The following TPT1 variants were observed in gnomAD, a reference collection of about 807,000 sequenced individuals.
The protein encoded by TPT1 is tumor protein, translationally-controlled 1.
In TPT1, 5 loss-of-function variants were observed where a neutral mutation model predicts 22.8. The observed-to-expected ratio is 0.22, with a 90% CI of 0.11 to 0.46. The LOEUF (loss-of-function observed/expected upper bound fraction) is 0.46. Among genes scored for constraint, TPT1 ranks in the 20% least tolerant of loss-of-function variants. TPT1 has a pLI of 0.99. For synonymous variants in TPT1, 89 were observed against 73.6 expected, an observed-to-expected ratio of 1.21 and a Z score of -1.07; for missense variants, 130 against 218.7, an observed-to-expected ratio of 0.59 and a Z score of 2.56.
intron 4 of TPT1, 135 bp downstream of exon 4, chr13:45,339,362 G>C (rs1352384336): frequency 3.2e-6 from 2 of 630,470 alleles, no homozygotes; most frequent in Non-Finnish European, 5.0e-6. Context: ...GACAAGATTT[G>C]GAAACACCTG....
In TPT1 at chr13:45,333,812, C is replaced by T. The variant is rs1490438280; in HGVS notation, c.*3574G>A. The T allele has an allele frequency of 6.6e-6, 1 of 152,166 alleles. No individual in the cohort carries two copies. The highest frequency in any genetic ancestry group is 2.4e-5 in the African/African-American group (1 of 41,426). 9.4% of individuals were successfully genotyped at this position (152,166 alleles called of 1,614,324 possible). ...GGTAGTCAAGTTTACCACTATCAGG[C>T]CTCATATTACTTAAGTACTTTGCAA... is the stretch of plus-strand genomic sequence containing the variant. On this transcript the variant is annotated 3_prime_UTR_variant, in exon 6 of 6. Transcript: ENST00000530705.
rs2234215 is a variant in TPT1, at chr13:45,340,986, C to T, written c.28+56G>A. 2.8e-3 allele frequency: 4,396 copies of T among 1,583,132 alleles called. 79 individuals are homozygous for T. In the African/African-American group the frequency reaches 0.047, roughly 17 times the overall value. On this transcript the variant is annotated intron_variant, in intron 1 of 5. Coordinates refer to ENST00000530705, the MANE Select transcript of TPT1 (RefSeq NM_003295.4). ...GCGACGGCTGCGCCTTCCCCGCCCC[C>T]ACCCGCACCCCAGACCCCCGTGTGC...
Position 45,334,657 on chromosome 13 carries a change from T to G in TPT1, c.*2729A>C, listed in dbSNP as rs528753127. On this transcript the variant is annotated 3_prime_UTR_variant, in exon 6 of 6. Coordinates refer to ENST00000530705, the MANE Select transcript of TPT1 (RefSeq NM_003295.4). ...TCTACTACCCTAGACTAAGCCACTA[T>G]CTTTGCCTTAAAAACACATTATACA... The G allele has an allele frequency of 1.3e-5, 2 of 152,368 alleles. No homozygotes were observed. The highest frequency in any genetic ancestry group is 4.1e-4 in the South Asian group (2 of 4,828). 9.4% of individuals were successfully genotyped at this position (152,368 alleles called of 1,614,324 possible).
rs1878504553 is a variant in TPT1, at chr13:45,333,623, G to C, written c.*3763C>G. On this transcript the variant is annotated 3_prime_UTR_variant, in exon 6 of 6. Coordinates refer to ENST00000530705, the MANE Select transcript of TPT1 (RefSeq NM_003295.4). ...CAACAAAAATCTAGTCATTTAACTA[G>C]ATTTTGAAACTCCTAATGATCCAAA... The C allele has an allele frequency of 6.6e-6, 1 of 152,184 alleles. No homozygotes were observed. The highest frequency in any genetic ancestry group is 2.4e-5 in the African/African-American group (1 of 41,442). 9.4% of individuals were successfully genotyped at this position (152,184 alleles called of 1,614,324 possible). A position where few individuals can be genotyped will look rare whatever the true frequency, so the allele number is the denominator to read the frequency against.
Position 45,341,165 on chromosome 13 carries a change from G to A in TPT1, c.-96C>T, listed in dbSNP as rs781129399. The A allele has an allele frequency of 1.1e-3, 1,658 of 1,548,416 alleles. No homozygotes were observed. Among genetic ancestry groups the A allele is most frequent in the Non-Finnish European group, 1.3e-3 (1,446 of 1,139,098 alleles). The stretch of plus-strand genomic sequence containing the variant: ...CAGCCGGAGCGGCGCTCGGGGGGAG[G>A]GGGGAGCGGGCGGAAAAGGCCGACT... On this transcript the variant is annotated 5_prime_UTR_variant, in exon 1 of 6. Coordinates refer to ENST00000530705, the MANE Select transcript of TPT1 (RefSeq NM_003295.4).
At position 45,337,319 on chromosome 13, in the gene TPT1, T is replaced by C. The variant is rs1878762974; in HGVS notation, c.*67A>G. 2 of 1,472,928 alleles carry C rather than the reference T, an allele frequency of 1.4e-6. No individual in the cohort carries two copies. The highest frequency in any genetic ancestry group is 1.9e-6 in the Non-Finnish European group (2 of 1,052,562). 91.2% of individuals were successfully genotyped at this position (1,472,928 alleles called of 1,614,324 possible). On this transcript the variant is annotated 3_prime_UTR_variant, in exon 6 of 6. Coordinates refer to ENST00000530705, the MANE Select transcript of TPT1 (RefSeq NM_003295.4). ...TCCCATTTGTCTTAAGTCCTGGTGT[T>C]GTGTGGATGACAAGCAGAAGCCAGT...
At chr13:45,340,437 G>GT (rs770644774) in intron 2 of TPT1, 47 of 739,682 alleles carry the variant, frequency 6.4e-5, no homozygotes, top group East Asian at 4.0e-4. Flanking sequence ...CCTCCGGTTG[G>GT]TAAGTGGGGA....
intron 4 of TPT1, chr13:45,339,122 G>A (rs1366509041): frequency 1.3e-5 from 4 of 302,422 alleles, no homozygotes; most frequent in Non-Finnish European, 2.4e-5. Context: ...CAGTCTGGAA[G>A]TATCTTATGG....
chr13:45,337,827 A>G (rs1232449424), intron 5 of TPT1, among the ~76,000 whole-genome samples: 1 of 152,204 alleles, frequency 6.6e-6, no homozygotes, highest in Non-Finnish European at 1.5e-5. Flanking sequence ...GCCTATGAAA[A>G]CTAGGATAAT....
intron 4 of TPT1, chr13:45,339,279 A>C (rs1323875744): frequency 4.5e-6 from 2 of 445,108 alleles, no homozygotes; most frequent in Admixed American, 4.0e-5. Context: ...CTGAAAGAAC[A>C]CTTAGGTGGT....
chr13:45,339,280 C>G (rs1393428983), intron 4 of TPT1: 1 of 447,446 alleles, frequency 2.2e-6, no homozygotes, highest in East Asian at 3.5e-5. Flanking sequence ...TGAAAGAACA[C>G]TTAGGTGGTT....
rs2138317084 is a variant in TPT1, at chr13:45,333,633, C to T, written c.*3753G>A. 1 of 152,314 alleles carries T rather than the reference C, an allele frequency of 6.6e-6. No homozygotes were observed. Among genetic ancestry groups the T allele is most frequent in the African/African-American group, 2.4e-5 (1 of 41,578 alleles). The allele number at this position is 152,314 out of a possible 1,614,324, so 9.4% of individuals were successfully genotyped here. On this transcript the variant is annotated 3_prime_UTR_variant, in exon 6 of 6. Transcript: ENST00000530705. ...CTAGTCATTTAACTAGATTTTGAAA[C>T]TCCTAATGATCCAAATGAGTAATTC...
In TPT1 at chr13:45,334,710, C is replaced by T. The variant is rs186789654; in HGVS notation, c.*2676G>A. ...ATTATTCTATGCTTTTACCCTGCCA[C>T]CTGGCAGCCAAAGTGATCCTTTAAA... On this transcript the variant is annotated 3_prime_UTR_variant, in exon 6 of 6. Coordinates refer to ENST00000530705, the MANE Select transcript of TPT1 (RefSeq NM_003295.4). 7.9e-5 allele frequency: 12 copies of T among 151,792 alleles called. No homozygotes were observed. Among genetic ancestry groups the T allele is most frequent in the Non-Finnish European group, 1.6e-4 (11 of 68,040 alleles). The allele number at this position is 151,792 out of a possible 1,614,324, so 9.4% of individuals were successfully genotyped here.
intron 5 of TPT1, 175 bp downstream of exon 5, chr13:45,338,485 T>A (rs531004067): frequency 1.6e-6 from 2 of 1,288,388 alleles, no homozygotes; most frequent in East Asian, 2.7e-5. Flanking sequence ...TAAGCCTTTT[T>A]ATACCCTAAG....
chr13:45,336,577 A>T lies in TPT1; in HGVS notation c.*809T>A, dbSNP rs1205145209. The T allele has an allele frequency of 6.6e-6, 1 of 152,254 alleles. No individual in the cohort carries two copies. Among genetic ancestry groups the T allele is most frequent in the Non-Finnish European group, 1.5e-5 (1 of 68,062 alleles). 9.4% of individuals were successfully genotyped at this position (152,254 alleles called of 1,614,324 possible). A position where few individuals can be genotyped will look rare whatever the true frequency, so the allele number is the denominator to read the frequency against. On this transcript the variant is annotated 3_prime_UTR_variant, in exon 6 of 6. Transcript: ENST00000530705. ...AGGGGCTGGCAAACTTGCAGGCTCT[A>T]GTCTGTTAGACACAACTCTGCTCAT...
intron 5 of TPT1, among the ~76,000 whole-genome samples, chr13:45,337,935 T>C (rs1439203007): frequency 2.6e-5 from 4 of 152,172 alleles, no homozygotes; most frequent in Non-Finnish European, 5.9e-5. Flanking sequence ...AGTTCAGCAG[T>C]CAGCTCTATT....
In TPT1 at chr13:45,334,346, G is replaced by A. The variant is rs988543772; in HGVS notation, c.*3040C>T. 2.6e-5 allele frequency: 4 copies of A among 152,200 alleles called. No individual in the cohort carries two copies. Among genetic ancestry groups the A allele is most frequent in the Non-Finnish European group, 5.9e-5 (4 of 68,050 alleles). 9.4% of individuals were successfully genotyped at this position (152,200 alleles called of 1,614,324 possible). ...GTTTCTCTTTGTCAACCAATCTCATGTTGGAATGCAGTCTATCCTCTCTCC... is the reference window on the plus strand; with the variant it reads ...GTTTCTCTTTGTCAACCAATCTCATATTGGAATGCAGTCTATCCTCTCTCC... On this transcript the variant is annotated 3_prime_UTR_variant, in exon 6 of 6. Coordinates refer to ENST00000530705, the MANE Select transcript of TPT1 (RefSeq NM_003295.4).
rs552716378 is a variant in TPT1 at position 45,334,211 on chromosome 13, T to G, written c.*3175A>C. ...ACAGGCATGAGCCATGGTTCCTGGC[T>G]AAATTTTAGAGATGGGGTCTCCCTG... On this transcript the variant is annotated 3_prime_UTR_variant, in exon 6 of 6. Coordinates refer to ENST00000530705, the MANE Select transcript of TPT1 (RefSeq NM_003295.4). 3.3e-5 allele frequency: 5 copies of G among 152,242 alleles called. No homozygotes were observed. The highest frequency in any genetic ancestry group is 1.2e-4 in the African/African-American group (5 of 41,530). The allele number at this position is 152,242 out of a possible 1,614,324, so 9.4% of individuals were successfully genotyped here.
In TPT1 at chr13:45,340,020, C is replaced by T. The variant is rs1593557608; in HGVS notation, c.267G>A (p.Lys89=). Residue 89 remains lysine (K), a synonymous_variant, in exon 3 of 6, where the codon AAG becomes AAA. Transcript: ENST00000530705. ...QETSFTKEAY[K]KYIKDYMKSI... ...ATTTCATGTAATCTTTGATGTACTT[C>T]TTGTAGGCTTCTTTTGTGAAACTTG... The T allele has an allele frequency of 1.2e-6, 2 of 1,613,998 alleles. No individual in the cohort carries two copies. The highest frequency in any genetic ancestry group is 3.3e-5 in the Admixed American group (2 of 59,980).
Sources: allele counts gnomAD v4.1 joint callset (sites outside exome capture counted in the v4.1 genomes callset), GRCh38; gene constraint gnomAD v4.1.1; transcripts MANE v1.5; gene names NCBI Gene and HGNC (gene_info 2026-07-23, HGNC 2026-07-21).